TBC1D22A: variants seen among roughly 807,000 people sequenced by gnomAD.
TBC1D22A encodes the protein putative GTPase activator.
In TBC1D22A, 38 loss-of-function variants were observed where a neutral mutation model predicts 60.2. The ratio of observed to expected loss-of-function variants is 0.63; its 90% CI spans 0.49 to 0.83. The LOEUF is 0.83. TBC1D22A is among the 40% of genes least tolerant of loss of function. TBC1D22A has a pLI of 0.00. For synonymous variants in TBC1D22A, 302 were observed against 281.7 expected, an observed-to-expected ratio of 1.07 and a Z score of -0.72; for missense variants, 628 against 701.0, an observed-to-expected ratio of 0.90 and a Z score of 1.18.
At chr22:47,041,077 A>G (rs558751327) in intron 11 of TBC1D22A, among the ~76,000 whole-genome samples, 2 of 152,234 alleles carry the variant, frequency 1.3e-5, no homozygotes, top group Non-Finnish European at 2.9e-5. Flanking sequence ...CCTATCCCCT[A>G]GTGACTTGAT....
chr22:46,944,154 G>T (rs1022809647), intron 8 of TBC1D22A, among the ~76,000 whole-genome samples: 2 of 152,176 alleles, frequency 1.3e-5, no homozygotes, highest in African/African-American at 4.8e-5. Flanking sequence ...CATCCCATCA[G>T]CAAAGGAGGA....
At chr22:46,769,793 G>A (rs983644924) in intron 1 of TBC1D22A, among the ~76,000 whole-genome samples, 3 of 152,132 alleles carry the variant, frequency 2.0e-5, no homozygotes, top group Non-Finnish European at 2.9e-5. Flanking sequence ...TTGAAGAGAG[G>A]GCGAGAGAGG....
intron 4 of TBC1D22A, among the ~76,000 whole-genome samples, chr22:46,845,921 G>A (rs926361482): frequency 2.0e-5 from 3 of 152,238 alleles, no homozygotes; most frequent in South Asian, 2.1e-4. Context: ...AGGAGGATAC[G>A]CCTTGCTGCA....
rs1287266263 is a variant in TBC1D22A at position 47,009,660 on chromosome 22, A to G, written c.1201+11951A>G. Among the ~76,000 whole-genome samples the G allele has an allele frequency of 1.3e-4, 20 of 151,874 alleles. No homozygotes were observed. Among genetic ancestry groups the G allele is most frequent in the Admixed American group, 1.3e-3 (20 of 15,250 alleles). ...CACCGTCATCATTACCATCATCACC[A>G]TCATCATCACTATCACCAGCATCAT... On this transcript the variant is annotated intron_variant, in intron 10 of 12. Transcript: ENST00000337137. This position sits in a 1 kb window ranked among gnomAD's most constrained non-coding sequence, Gnocchi z 5.8.
rs1000792717 is a variant in TBC1D22A at position 47,002,027 on chromosome 22, A to G, written c.1201+4318A>G. Among the ~76,000 whole-genome samples, 4 of 152,166 alleles carry G rather than the reference A, an allele frequency of 2.6e-5. No individual in the cohort carries two copies. The South Asian group carries it at 8.3e-4, about 32-fold the overall frequency. ...ATTATCTAGCTAATGTGTTCTCAAT[A>G]TTTCTATTAATTGTCAATCTGTTCC... On this transcript the variant is annotated intron_variant, in intron 10 of 12. Coordinates refer to ENST00000337137, the MANE Select transcript of TBC1D22A (RefSeq NM_014346.5).
intron 11 of TBC1D22A, among the ~76,000 whole-genome samples, chr22:47,067,350 C>T (rs1239810699): frequency 6.6e-6 from 1 of 152,248 alleles, no homozygotes; most frequent in Admixed American, 6.5e-5. Flanking sequence ...CCAGCACAAG[C>T]TCTTTCAGGC....
intron 8 of TBC1D22A, among the ~76,000 whole-genome samples, chr22:46,963,088 G>T (rs534937722): frequency 2.0e-5 from 3 of 152,010 alleles, no homozygotes; most frequent in South Asian, 4.2e-4. Flanking sequence ...GGGCGTGGTG[G>T]TGGGCGCCTG....
chr22:46,864,990 A>G (rs554417023), intron 4 of TBC1D22A, among the ~76,000 whole-genome samples: 6 of 152,176 alleles, frequency 3.9e-5, no homozygotes, highest in Admixed American at 1.3e-4. Context: ...TCATCTCCCA[A>G]GTCACCCAGC....
chr22:46,762,882 G>C, intron 1 of TBC1D22A, 34 bp downstream of exon 1: 1 of 1,469,940 alleles, frequency 6.8e-7, no homozygotes, highest in Non-Finnish European at 9.0e-7. Flanking sequence ...GTCGGGGTCA[G>C]GGGTCAGAGG....
chr22:46,869,701 A>G (rs1389823432), intron 4 of TBC1D22A, among the ~76,000 whole-genome samples: 3 of 152,234 alleles, frequency 2.0e-5, no homozygotes, highest in Admixed American at 6.5e-5. Flanking sequence ...TGTAAGCCTA[A>G]GTGATTGCAG....
chr22:47,044,034 T>C (rs2062949823), intron 11 of TBC1D22A, among the ~76,000 whole-genome samples: 1 of 39,408 alleles, frequency 2.5e-5, no homozygotes, highest in African/African-American at 1.6e-4. Context: ...TGGGTCCTCA[T>C]AGCAGCCCAG....
chr22:46,874,562 C>CTTTTTTTTTTTTTTTT (rs747481407), intron 4 of TBC1D22A, among the ~76,000 whole-genome samples: 3 of 40,778 alleles, frequency 7.4e-5, no homozygotes, highest in African/African-American at 2.1e-4. Flanking sequence ...ACAGGTATGT[C>CTTTTTTTTTTTTTTTT]TTTTTTTTTT....
intron 8 of TBC1D22A, among the ~76,000 whole-genome samples, chr22:46,920,625 C>A (rs989163912): frequency 2.6e-5 from 4 of 152,142 alleles, no homozygotes. Context: ...TCATGCTTTG[C>A]ACAGAGAAGC....
At chr22:46,854,077 G>C (rs1216002731) in intron 4 of TBC1D22A, among the ~76,000 whole-genome samples, 1 of 152,012 alleles carries the variant, frequency 6.6e-6, no homozygotes, top group Non-Finnish European at 1.5e-5. Flanking sequence ...TGGACTTCTT[G>C]TTTTAAACAC....
intron 11 of TBC1D22A, among the ~76,000 whole-genome samples, chr22:47,043,715 G>A (rs2062926617): frequency 6.6e-6 from 1 of 152,158 alleles, no homozygotes; most frequent in African/African-American, 2.4e-5. Context: ...CTCCCATAGG[G>A]CATAGAGCAG....
chr22:46,906,361 T>G (rs538603101), intron 7 of TBC1D22A, among the ~76,000 whole-genome samples: 1 of 152,190 alleles, frequency 6.6e-6, no homozygotes, highest in East Asian at 1.9e-4. Flanking sequence ...CAGCTCTGTG[T>G]GGTTTGTGGC....
intron 8 of TBC1D22A, among the ~76,000 whole-genome samples, chr22:46,968,412 C>T (rs754749221): frequency 3.9e-5 from 6 of 152,236 alleles, no homozygotes; most frequent in Non-Finnish European, 5.9e-5. Flanking sequence ...TGGGATCATG[C>T]GTGGACGTGT....
chr22:47,048,908 T>C (rs967990917), intron 11 of TBC1D22A, among the ~76,000 whole-genome samples: 6 of 152,380 alleles, frequency 3.9e-5, no homozygotes, highest in Middle Eastern at 3.4e-3. Flanking sequence ...TATAGGTTCC[T>C]CTTTTAAGGT....
intron 8 of TBC1D22A, chr22:46,913,462 G>C: frequency 7.4e-7 from 1 of 1,348,134 alleles, no homozygotes; most frequent in Non-Finnish European, 9.8e-7. Context: ...GAATTTTACT[G>C]CAGCCCTCTG....
Sources: allele counts gnomAD v4.1 joint callset (sites outside exome capture counted in the v4.1 genomes callset), GRCh38; gene constraint gnomAD v4.1.1; non-coding constraint Gnocchi (gnomAD v3.1); transcripts MANE v1.5; gene names NCBI Gene and HGNC (gene_info 2026-07-23, HGNC 2026-07-21).